Variants in CFDP1 observed in about 807,000 individuals in gnomAD.
CFDP1 encodes the protein chromatin remodeling protein CFDP1.
A neutral mutation model predicts 40.1 loss-of-function variants in CFDP1; 31 were observed. The ratio of observed to expected loss-of-function variants is 0.77; its 90% CI spans 0.58 to 1.04. The LOEUF is 1.04. CFDP1 is among the 50% of genes least tolerant of loss of function. The probability of loss-of-function intolerance (pLI) is 0.00; values close to 1 mark genes in which losing one functional copy is unlikely to be tolerated. For missense variants in CFDP1, 423 were observed against 343.4 expected (o/e 1.23, Z -1.83); for synonymous variants, 167 against 120.0 (o/e 1.39, Z -2.56).
intron 5 of CFDP1, among the ~76,000 whole-genome samples, chr16:75,391,922 C>T (rs775487481): frequency 2.6e-5 from 4 of 151,552 alleles, no homozygotes; most frequent in East Asian, 2.0e-4. Context: ...GAGCCGAGAT[C>T]GCGCCACTGC....
At chr16:75,387,499 C>T (rs779528706) in intron 5 of CFDP1, among the ~76,000 whole-genome samples, 1 of 152,208 alleles carries the variant, frequency 6.6e-6, no homozygotes, top group Non-Finnish European at 1.5e-5. Context: ...TAAGACAACA[C>T]CAGTACCACC....
At chr16:75,408,151 G>A (rs2151580330) in intron 4 of CFDP1, among the ~76,000 whole-genome samples, 1 of 151,880 alleles carries the variant, frequency 6.6e-6, no homozygotes, top group East Asian at 1.9e-4. Context: ...AGGGAGGGAA[G>A]GAGGAGAGAG....
chr16:75,426,889 T>G (rs1288781496), intron 1 of CFDP1, among the ~76,000 whole-genome samples: 1 of 151,808 alleles, frequency 6.6e-6, no homozygotes. Flanking sequence ...ACCCCATCTC[T>G]ACTGAAAATA....
At chr16:75,328,439 A>G (rs2078419754) in intron 5 of CFDP1, among the ~76,000 whole-genome samples, 1 of 148,982 alleles carries the variant, frequency 6.7e-6, no homozygotes, top group African/African-American at 2.5e-5. Flanking sequence ...ACAAAAAAAA[A>G]AGAAAAAAAA....
intron 6 of CFDP1, among the ~76,000 whole-genome samples, chr16:75,299,488 G>A (rs541602965): frequency 8.6e-5 from 13 of 151,836 alleles, no homozygotes; most frequent in Admixed American, 7.9e-4. Flanking sequence ...CCAGCTACTC[G>A]GGAGGCTGAG....
Position 75,411,868 on chromosome 16 carries a change from C to T in CFDP1, c.487G>A (p.Val163Ile). Residue 163 changes from valine (V) to isoleucine (I), a missense_variant, in exon 4 of 7, where the codon GTT becomes ATT. Val to Ile is a conservative substitution (Grantham distance 29, BLOSUM62 3). Coordinates refer to ENST00000283882, the MANE Select transcript of CFDP1 (RefSeq NM_006324.3). ...ELEKPKETEK[V>I]KITKVFDFAG... ...AAATCAAACACCTTGGTGATTTTAA[C>T]TTTTTCTGTTTCTTTAGGTTTCTCT... is the stretch of plus-strand genomic sequence containing the variant. 6.2e-7 allele frequency: 1 copy of T among 1,612,474 alleles called. No homozygotes were observed. The highest frequency in any genetic ancestry group is 8.5e-7 in the Non-Finnish European group (1 of 1,179,700).
At chr16:75,431,154 GA>G (rs201199771) in intron 1 of CFDP1, among the ~76,000 whole-genome samples, 22 of 147,566 alleles carry the variant, frequency 1.5e-4, no homozygotes, top group South Asian at 6.4e-4. Context: ...ACTGTCATTA[GA>G]AAAAAAAAAC....
chr16:75,316,936 G>A (rs1269024819), intron 5 of CFDP1, among the ~76,000 whole-genome samples: 2 of 152,126 alleles, frequency 1.3e-5, no homozygotes, highest in Non-Finnish European at 1.5e-5. Flanking sequence ...AGGCGAGATC[G>A]CACCACTGCA....
At chr16:75,359,443 G>A (rs972134080) in intron 5 of CFDP1, among the ~76,000 whole-genome samples, 8 of 152,140 alleles carry the variant, frequency 5.3e-5, no homozygotes, top group Admixed American at 4.6e-4. Flanking sequence ...AGGCTAATAC[G>A]CTGTGAAGGG....
chr16:75,323,154 C>T (rs1384966537), intron 5 of CFDP1, among the ~76,000 whole-genome samples: 2 of 151,522 alleles, frequency 1.3e-5, no homozygotes, highest in Non-Finnish European at 2.9e-5. Flanking sequence ...TGTAGAAAAA[C>T]TTTCTTTATA....
At chr16:75,386,628 G>C (rs1438971623) in intron 5 of CFDP1, among the ~76,000 whole-genome samples, 2 of 152,186 alleles carry the variant, frequency 1.3e-5, no homozygotes, top group African/African-American at 4.8e-5. Context: ...GGGAGGCTGA[G>C]GCAGGAGCAT....
chr16:75,332,114 CTG>C (rs1339053656), intron 5 of CFDP1, among the ~76,000 whole-genome samples: 1 of 152,142 alleles, frequency 6.6e-6, no homozygotes, highest in African/African-American at 2.4e-5. Context: ...TGTGAAATGT[CTG>C]TCAATTTTTT....
intron 4 of CFDP1, among the ~76,000 whole-genome samples, chr16:75,400,998 T>C (rs1188493781): frequency 1.3e-5 from 2 of 152,192 alleles, no homozygotes; most frequent in African/African-American, 2.4e-5. Flanking sequence ...TGGATGCAGC[T>C]AATTTAAAAG....
At chr16:75,352,952 C>T (rs930445572) in intron 5 of CFDP1, among the ~76,000 whole-genome samples, 3 of 151,982 alleles carry the variant, frequency 2.0e-5, no homozygotes, top group East Asian at 3.9e-4. Flanking sequence ...GATTGTCTTC[C>T]GATAAAACTA....
At chr16:75,309,860 GACCAACAGA>G (rs1249225617) in intron 5 of CFDP1, among the ~76,000 whole-genome samples, 1 of 128,172 alleles carries the variant, frequency 7.8e-6, no homozygotes, top group Non-Finnish European at 1.6e-5. Context: ...TCCAGTTCCA[GACCAACAGA>G]ACCACTGGTT....
At chr16:75,358,039 T>C (rs35263058) in intron 5 of CFDP1, among the ~76,000 whole-genome samples, 79,449 of 152,108 alleles carry the variant, frequency 0.52, 21,726 homozygotes, top group Admixed American at 0.64. Flanking sequence ...GGGAATACAA[T>C]ATTTACCAAA....
chr16:75,318,647 G>A (rs951961335), intron 5 of CFDP1, among the ~76,000 whole-genome samples: 10 of 151,922 alleles, frequency 6.6e-5, no homozygotes, highest in South Asian at 4.2e-4. Context: ...CTTGTGATCC[G>A]CCCGCCTTGG....
At chr16:75,338,868 C>T (rs969817729) in intron 5 of CFDP1, among the ~76,000 whole-genome samples, 1 of 152,158 alleles carries the variant, frequency 6.6e-6, no homozygotes. Context: ...TTATCATCCT[C>T]TTGCGTGTTA....
intron 1 of CFDP1, among the ~76,000 whole-genome samples, chr16:75,421,553 C>A (rs79767718): frequency 0.015 from 2,358 of 152,242 alleles, 59 homozygotes; most frequent in African/African-American, 0.053. Flanking sequence ...TTCCAATAAC[C>A]TTTCTAGTGC....
Sources: allele counts gnomAD v4.1 joint callset (sites outside exome capture counted in the v4.1 genomes callset), GRCh38; gene constraint gnomAD v4.1.1; transcripts MANE v1.5; gene names NCBI Gene and HGNC (gene_info 2026-07-23, HGNC 2026-07-21).